The following CNBD1 variants were observed in gnomAD, a reference collection of about 807,000 sequenced individuals.
The protein encoded by CNBD1 is cyclic nucleotide-binding domain-containing protein 1.
A neutral mutation model predicts 54.4 loss-of-function variants in CNBD1; 71 were observed. The observed-to-expected ratio is 1.30, with a 90% CI of 1.08 to 1.59. The LOEUF (loss-of-function observed/expected upper bound fraction) is 1.59. Among genes scored for constraint, CNBD1 ranks in the 40% most tolerant of loss-of-function variants. The probability of loss-of-function intolerance (pLI) is 0.00; values close to 1 mark genes in which losing one functional copy is unlikely to be tolerated. For synonymous variants in CNBD1, 182 were observed against 170.7 expected (o/e 1.07, Z -0.51); for missense variants, 659 against 518.0 (o/e 1.27, Z -2.64).
chr8:86,971,095 G>A (rs1227817637), intron 4 of CNBD1, among the ~76,000 whole-genome samples: 2 of 152,030 alleles, frequency 1.3e-5, no homozygotes, highest in East Asian at 3.9e-4. Context: ...GTATTAGTTT[G>A]TTTTCATACT....
intron 10 of CNBD1, among the ~76,000 whole-genome samples, chr8:87,371,879 T>A (rs1169383379): frequency 6.6e-6 from 1 of 151,876 alleles, no homozygotes; most frequent in Non-Finnish European, 1.5e-5. Flanking sequence ...ACAGCCAATA[T>A]CATACTGAAT....
chr8:87,328,731 C>T (rs981508149), intron 8 of CNBD1, among the ~76,000 whole-genome samples: 2 of 152,144 alleles, frequency 1.3e-5, no homozygotes, highest in African/African-American at 4.8e-5. Context: ...TCTTCTACTT[C>T]ATAAACATAG....
At chr8:87,175,516 C>T (rs544986211) in intron 4 of CNBD1, among the ~76,000 whole-genome samples, 136 of 152,248 alleles carry the variant, frequency 8.9e-4, no homozygotes, top group African/African-American at 3.1e-3. Flanking sequence ...CCTTCTGGCC[C>T]AGGGTTTGTC....
At chr8:86,932,301 CG>C (rs1371672346) in intron 3 of CNBD1, among the ~76,000 whole-genome samples, 1 of 151,874 alleles carries the variant, frequency 6.6e-6, no homozygotes, top group African/African-American at 2.4e-5. Context: ...GAAAGGGACA[CG>C]TATCCATGTT....
chr8:87,041,970 G>A (rs562782090), intron 4 of CNBD1, among the ~76,000 whole-genome samples: 3 of 152,240 alleles, frequency 2.0e-5, no homozygotes, highest in East Asian at 3.9e-4. Flanking sequence ...GAGTGATGAC[G>A]AAGGTGACTT....
chr8:87,177,984 A>C (rs1813233159), intron 4 of CNBD1, among the ~76,000 whole-genome samples: 1 of 152,230 alleles, frequency 6.6e-6, no homozygotes, highest in African/African-American at 2.4e-5. Context: ...CAGACATCAA[A>C]GTACAATTTA....
intron 8 of CNBD1, among the ~76,000 whole-genome samples, chr8:87,302,279 G>T (rs1051195721): frequency 6.6e-6 from 1 of 152,156 alleles, no homozygotes; most frequent in South Asian, 2.1e-4. Context: ...ACATCAAAAA[G>T]CTTATCCAAC....
chr8:87,399,713 G>A (rs774095321), intron 2 of CNBD1, among the ~76,000 whole-genome samples: 16 of 151,952 alleles, frequency 1.1e-4, no homozygotes, highest in Admixed American at 3.3e-4. Flanking sequence ...GTGAACCATC[G>A]TGTATTTAGC....
chr8:87,333,470 C>T (rs964047242), intron 8 of CNBD1, among the ~76,000 whole-genome samples: 5 of 152,276 alleles, frequency 3.3e-5, no homozygotes, highest in Admixed American at 6.5e-5. Context: ...AAAGGGAATA[C>T]TACCAGCTTT....
intron 3 of CNBD1, among the ~76,000 whole-genome samples, chr8:86,931,241 C>T (rs186672574): frequency 8.5e-5 from 13 of 152,268 alleles, no homozygotes; most frequent in East Asian, 5.8e-4. Flanking sequence ...GATAAGGCCA[C>T]GCCAGTGTCC....
At chr8:87,383,747 A>G (rs891304325), downstream of CNBD1, among the ~76,000 whole-genome samples, 4 of 152,288 alleles carry the variant, frequency 2.6e-5, no homozygotes, top group Admixed American at 6.5e-5. Context: ...GCAAGAAACT[A>G]TACATAGCAC....
chr8:87,168,106 G>T (rs1156570675), intron 4 of CNBD1, among the ~76,000 whole-genome samples: 3 of 151,976 alleles, frequency 2.0e-5, no homozygotes, highest in African/African-American at 7.2e-5. Context: ...CCAAAATGTT[G>T]TTATGCAGTG....
At chr8:87,403,591 C>T (rs543503728) in intron 2 of CNBD1, among the ~76,000 whole-genome samples, 111 of 151,980 alleles carry the variant, frequency 7.3e-4, no homozygotes, top group African/African-American at 2.5e-3. Flanking sequence ...TGGATTTTCT[C>T]ATATATAAAA....
chr8:87,375,965 G>A (rs954689056), intron 10 of CNBD1, among the ~76,000 whole-genome samples: 1 of 151,754 alleles, frequency 6.6e-6, no homozygotes, highest in Admixed American at 6.6e-5. Context: ...TACTTTCTGC[G>A]ATAAAAATTT....
intron 4 of CNBD1, among the ~76,000 whole-genome samples, chr8:86,957,630 G>A (rs922156525): frequency 1.3e-5 from 2 of 152,182 alleles, no homozygotes; most frequent in African/African-American, 2.4e-5. Context: ...GGTGTTTATA[G>A]TATTCTCTGA....
At chr8:87,380,453 TG>T in intron 10 of CNBD1, among the ~76,000 whole-genome samples, 1 of 152,148 alleles carries the variant, frequency 6.6e-6, no homozygotes, top group Non-Finnish European at 1.5e-5. Context: ...GGTGGTGTGA[TG>T]TCTCCAACTT....
At chr8:86,871,108 T>C (rs1438184661) in intron 1 of CNBD1, among the ~76,000 whole-genome samples, 1 of 152,228 alleles carries the variant, frequency 6.6e-6, no homozygotes. Context: ...TGTCAAACCA[T>C]TTTGAGTGGC....
intron 3 of CNBD1, among the ~76,000 whole-genome samples, chr8:86,913,916 C>T (rs1809143723): frequency 6.6e-6 from 1 of 152,084 alleles, no homozygotes; most frequent in African/African-American, 2.4e-5. Flanking sequence ...GGAATGCATT[C>T]TTTTCCCAGG....
At chr8:86,952,544 T>G (rs1807651896) in intron 4 of CNBD1, among the ~76,000 whole-genome samples, 1 of 151,966 alleles carries the variant, frequency 6.6e-6, no homozygotes, top group Admixed American at 6.6e-5. Flanking sequence ...CATGTGAAAA[T>G]TTAACAAATA....
Sources: gnomAD v4.1 joint callset for allele counts (sites outside exome capture counted in the v4.1 genomes callset) on GRCh38, gnomAD v4.1.1 for gene constraint, MANE v1.5 for transcripts, NCBI Gene and HGNC (gene_info 2026-07-23, HGNC 2026-07-21) for gene names.